AGAP1: variants seen among roughly 807,000 people sequenced by gnomAD.
AGAP1 encodes the protein arf-GAP with GTPase, ANK repeat and PH domain-containing protein 1.
A neutral mutation model predicts 105.3 loss-of-function variants in AGAP1; 29 were observed. The observed-to-expected ratio is 0.28, with a 90% CI of 0.21 to 0.38. AGAP1 has a LOEUF of 0.38. AGAP1 is among the 10% of genes least tolerant of loss of function. AGAP1 has a pLI of 1.00. For synonymous variants in AGAP1, 509 were observed against 485.9 expected (o/e 1.05, Z -0.63); for missense variants, 998 against 1,165.1 (o/e 0.86, Z 2.09).
At chr2:235,847,936 T>C (rs1418138480) in intron 9 of AGAP1, among the ~76,000 whole-genome samples, 1 of 152,244 alleles carries the variant, frequency 6.6e-6, no homozygotes, top group African/African-American at 2.4e-5. Context: ...AGTCCTATGT[T>C]TTCACAGTCT....
At chr2:235,683,552 T>A (rs974457645) in intron 1 of AGAP1, among the ~76,000 whole-genome samples, 6 of 151,386 alleles carry the variant, frequency 4.0e-5, no homozygotes, top group Non-Finnish European at 8.8e-5. Flanking sequence ...TTTTAATATT[T>A]AAATGTGCTA....
intron 1 of AGAP1, chr2:235,670,405 G>C (rs1948328797): frequency 3.5e-6 from 2 of 569,160 alleles, no homozygotes; most frequent in Non-Finnish European, 6.4e-6. Flanking sequence ...GCACCGGGCA[G>C]CTGGAACTGG....
intron 16 of AGAP1, among the ~76,000 whole-genome samples, chr2:236,110,009 T>C (rs1375218678): frequency 2.0e-5 from 3 of 152,114 alleles, no homozygotes; most frequent in Non-Finnish European, 4.4e-5. Context: ...GATGGGAAGA[T>C]GTTTCCTAAT....
At chr2:235,539,902 G>A (rs1943376965) in intron 1 of AGAP1, among the ~76,000 whole-genome samples, 2 of 152,124 alleles carry the variant, frequency 1.3e-5, no homozygotes, top group South Asian at 2.1e-4. Context: ...AGCCCTTTTA[G>A]TCTGGGGCAA....
rs182929200 is a variant in AGAP1, at chr2:236,061,929, G to T, written c.2114+12648G>T. On this transcript the variant is annotated intron_variant, in intron 16 of 17. Coordinates refer to ENST00000304032, the MANE Select transcript of AGAP1 (RefSeq NM_001037131.3). The surrounding 1 kb of genome is among the most constrained non-coding windows in gnomAD (Gnocchi z 4.1). ...CAAAGGAAAACAGATGAGCCAGGGC[G>T]TTCCACAAAGAGCAGCTGGAGCAAA... 6.6e-6 allele frequency among the ~76,000 whole-genome samples: 1 copy of T among 152,046 alleles called. No homozygotes were observed. Among genetic ancestry groups the T allele is most frequent in the Non-Finnish European group, 1.5e-5 (1 of 68,012 alleles).
In AGAP1 at chr2:236,040,913, T is replaced by G; in HGVS notation, c.1891+72T>G. 2 of 1,470,496 alleles carry G rather than the reference T, an allele frequency of 1.4e-6. No homozygotes were observed. The highest frequency in any genetic ancestry group is 1.9e-6 in the Non-Finnish European group (2 of 1,053,314). The allele number at this position is 1,470,496 out of a possible 1,614,324, so 91.1% of individuals were successfully genotyped here. On this transcript the variant is annotated intron_variant, in intron 15 of 17. Transcript: ENST00000304032. The surrounding 1 kb of genome is among the most constrained non-coding windows in gnomAD (Gnocchi z 5.6). The stretch of plus-strand genomic sequence containing the variant: ...ACCACATGGTCCCACTAGGCCCGGG[T>G]TGCAGGGGACTCACATCTGTCCTGT...
At chr2:235,636,708 G>A (rs1454676766) in intron 1 of AGAP1, among the ~76,000 whole-genome samples, 4 of 152,178 alleles carry the variant, frequency 2.6e-5, no homozygotes, top group Non-Finnish European at 5.9e-5. Context: ...CTTGTTGGGG[G>A]TTGAAGTCCT....
Position 235,893,710 on chromosome 2 carries a change from C to G in AGAP1, c.1155+10261C>G, listed in dbSNP as rs1431916553. On this transcript the variant is annotated intron_variant, in intron 10 of 17. Coordinates refer to ENST00000304032, the MANE Select transcript of AGAP1 (RefSeq NM_001037131.3). The surrounding 1 kb of genome is among the most constrained non-coding windows in gnomAD (Gnocchi z 4.7). Reference sequence around the variant, plus strand: ...TGTCATTGAGGAGGAGGGCTGTGTTCCCCACAGTCTGCCCAGGGGCTGTCA... The same window carrying G: ...TGTCATTGAGGAGGAGGGCTGTGTTGCCCACAGTCTGCCCAGGGGCTGTCA... 1.3e-5 allele frequency among the ~76,000 whole-genome samples: 2 copies of G among 152,140 alleles called. No individual in the cohort carries two copies. The highest frequency in any genetic ancestry group is 2.9e-5 in the Non-Finnish European group (2 of 68,026).
At chr2:235,523,106 C>G (rs1942687999) in intron 1 of AGAP1, among the ~76,000 whole-genome samples, 1 of 151,936 alleles carries the variant, frequency 6.6e-6, no homozygotes, top group Non-Finnish European at 1.5e-5. Flanking sequence ...ACACGGCTGC[C>G]TTCTCGCTGT....
intron 12 of AGAP1, among the ~76,000 whole-genome samples, chr2:235,938,981 CA>C (rs2053123440): frequency 6.6e-6 from 1 of 152,184 alleles, no homozygotes; most frequent in Admixed American, 6.5e-5. Context: ...GAATGTCCCC[CA>C]GGGGTTTCAG....
chr2:236,065,306 T>G (rs1416111874), intron 16 of AGAP1, among the ~76,000 whole-genome samples: 3 of 152,292 alleles, frequency 2.0e-5, no homozygotes, highest in Admixed American at 1.3e-4. Flanking sequence ...GTGTCGGTGG[T>G]GGTGTCTTCA....
chr2:235,786,879 G>C (rs1216728185), intron 6 of AGAP1, among the ~76,000 whole-genome samples: 1 of 152,204 alleles, frequency 6.6e-6, no homozygotes, highest in Non-Finnish European at 1.5e-5. Flanking sequence ...GAAAGCGTGA[G>C]CTCCGTCCAT....
In AGAP1 at chr2:235,879,984, G is replaced by T. The variant is rs550052937; in HGVS notation, c.1051-3361G>T. 6.6e-6 allele frequency among the ~76,000 whole-genome samples: 1 copy of T among 151,344 alleles called. No homozygotes were observed. The highest frequency in any genetic ancestry group is 2.4e-5 in the African/African-American group (1 of 41,150). On this transcript the variant is annotated intron_variant, in intron 9 of 17. Coordinates refer to ENST00000304032, the MANE Select transcript of AGAP1 (RefSeq NM_001037131.3). This position sits in a 1 kb window ranked among gnomAD's most constrained non-coding sequence, Gnocchi z 5.0. The stretch of plus-strand genomic sequence containing the variant: ...AAATTAGCCGAACAGGATGGCACAC[G>T]CCTGTAGTCCCAAGCTACTCAGGAG...
intron 3 of AGAP1, among the ~76,000 whole-genome samples, chr2:235,731,034 T>C (rs1951919471): frequency 6.6e-6 from 1 of 152,162 alleles, no homozygotes; most frequent in African/African-American, 2.4e-5. Flanking sequence ...GCTGCTATTC[T>C]GGACAAAAAC....
intron 1 of AGAP1, among the ~76,000 whole-genome samples, chr2:235,616,609 C>T (rs773362549): frequency 5.9e-5 from 9 of 152,134 alleles, no homozygotes; most frequent in Non-Finnish European, 1.0e-4. Context: ...TGATTAAACT[C>T]GTTAAATAAA....
chr2:235,699,405 A>AGT (rs1174555862), intron 1 of AGAP1, among the ~76,000 whole-genome samples: 27 of 83,988 alleles, frequency 3.2e-4, no homozygotes, highest in Non-Finnish European at 4.5e-4. Flanking sequence ...ATTGGGGCTG[A>AGT]CTTTATAACA....
chr2:235,515,658 A>G (rs1005940897), intron 1 of AGAP1, among the ~76,000 whole-genome samples: 2 of 152,246 alleles, frequency 1.3e-5, no homozygotes, highest in Non-Finnish European at 2.9e-5. Context: ...GACATTCTGC[A>G]GCCTTTAAAA....
Position 235,799,371 on chromosome 2 carries a change from G to A in AGAP1, c.806G>A (p.Ser269Asn). Reference sequence around the variant, plus strand: ...CTTGGATTTTAATCATTTCAGACAAGTAATGGAGGTGGGAGTTTAAGCGAC... The same window carrying A: ...CTTGGATTTTAATCATTTCAGACAAATAATGGAGGTGGGAGTTTAAGCGAC... ...QVSAVHISQTSNGGGSLSDYS... is the reference protein window; with the variant it reads ...QVSAVHISQTNNGGGSLSDYS... Residue 269 changes from serine (S) to asparagine (N), a missense_variant, in exon 8 of 18, where the codon AGT becomes AAT. Physicochemically the swap from Ser to Asn is conservative, Grantham distance 46. Coordinates refer to ENST00000304032, the MANE Select transcript of AGAP1 (RefSeq NM_001037131.3). This position sits in a 1 kb window ranked among gnomAD's most constrained non-coding sequence, Gnocchi z 5.0. 4.3e-6 allele frequency: 7 copies of A among 1,614,006 alleles called. No homozygotes were observed. Among genetic ancestry groups the A allele is most frequent in the African/African-American group, 1.3e-5 (1 of 75,046 alleles).
intron 6 of AGAP1, among the ~76,000 whole-genome samples, chr2:235,781,296 A>T (rs1313955537): frequency 6.6e-6 from 1 of 152,228 alleles, no homozygotes; most frequent in Non-Finnish European, 1.5e-5. Context: ...TTGGTGCAAT[A>T]AATCTGTCCA....
Sources: allele counts gnomAD v4.1 joint callset (sites outside exome capture counted in the v4.1 genomes callset), GRCh38; gene constraint gnomAD v4.1.1; non-coding constraint Gnocchi (gnomAD v3.1); transcripts MANE v1.5; gene names NCBI Gene and HGNC (gene_info 2026-07-23, HGNC 2026-07-21).